PLEKHG4B: variants seen among roughly 807,000 people sequenced by gnomAD.
The protein encoded by PLEKHG4B is pleckstrin homology domain-containing family G member 4B.
A neutral mutation model predicts 121.3 loss-of-function variants in PLEKHG4B; 111 were observed. The ratio of observed to expected loss-of-function variants is 0.92; its 90% confidence interval spans 0.78 to 1.07. PLEKHG4B has a LOEUF of 1.07. Among genes scored for constraint, PLEKHG4B ranks in the 50% least tolerant of loss-of-function variants. The probability of loss-of-function intolerance (pLI) is 0.00; values close to 1 mark genes in which losing one functional copy is unlikely to be tolerated. For missense variants in PLEKHG4B, 1,831 were observed against 1,757.8 expected, an observed-to-expected ratio of 1.04 and a Z score of -0.74; for synonymous variants, 738 against 725.0, an observed-to-expected ratio of 1.02 and a Z score of -0.29.
Position 181,693 on chromosome 5 carries a change from C to A in PLEKHG4B, c.4564+18C>A, listed in dbSNP as rs375651817. The stretch of plus-strand genomic sequence containing the variant: ...GGGCACAGGTACGGTGGCTCGGTCC[C>A]GCCCTCACTCACCCTGCAGAGGGCA... On this transcript the variant is annotated intron_variant, in intron 19 of 19. Coordinates refer to ENST00000637938, the MANE Select transcript of PLEKHG4B (RefSeq NM_052909.5). The A allele has an allele frequency of 1.9e-6, 3 of 1,606,086 alleles. No individual in the cohort carries two copies. Among genetic ancestry groups the A allele is most frequent in the South Asian group, 2.2e-5 (2 of 90,058 alleles).
chr5:122,292 CAAT>C (rs1394340254), intron 2 of PLEKHG4B, among the ~76,000 whole-genome samples: 2 of 151,962 alleles, frequency 1.3e-5, no homozygotes, highest in Admixed American at 1.3e-4. Context: ...TCAACCATAT[CAAT>C]AATTATTTTA....
intron 6 of PLEKHG4B, among the ~76,000 whole-genome samples, chr5:147,827 G>A (rs947354160): frequency 6.6e-6 from 1 of 152,144 alleles, no homozygotes; most frequent in Non-Finnish European, 1.5e-5. Flanking sequence ...GAAGGTTGAT[G>A]CCAAAATCAT....
At chr5:98,107 CAT>C (rs1366170396) in intron 1 of PLEKHG4B, among the ~76,000 whole-genome samples, 1 of 152,054 alleles carries the variant, frequency 6.6e-6, no homozygotes. Flanking sequence ...CTTTCAGTGA[CAT>C]ATTTAAGAAT....
At position 188,428 on chromosome 5, in the gene PLEKHG4B, A is replaced by G. The variant is rs1397799011; in HGVS notation, c.*6105A>G. 3.3e-5 allele frequency: 5 copies of G among 152,282 alleles called. No homozygotes were observed. The highest frequency in any genetic ancestry group is 1.2e-4 in the African/African-American group (5 of 41,466). 9.4% of individuals were successfully genotyped at this position (152,282 alleles called of 1,614,324 possible). A position where few individuals can be genotyped will look rare whatever the true frequency, so the allele number is the denominator to read the frequency against. ...CTGCTCCCACCATCCCTGGGGGATT[A>G]GCACCTTGGCTGAGCCCGAACTGAC... is the stretch of plus-strand genomic sequence containing the variant. On this transcript the variant is annotated 3_prime_UTR_variant, in exon 20 of 20. Coordinates refer to ENST00000637938, the MANE Select transcript of PLEKHG4B (RefSeq NM_052909.5).
At chr5:141,434 G>A (rs556743064) in intron 3 of PLEKHG4B, among the ~76,000 whole-genome samples, 7 of 150,164 alleles carry the variant, frequency 4.7e-5, no homozygotes, top group South Asian at 2.1e-4. Context: ...CAGGTGTCCC[G>A]GGCTGTGGCT....
intron 2 of PLEKHG4B, among the ~76,000 whole-genome samples, chr5:132,552 C>A (rs1734809810): frequency 6.6e-6 from 1 of 152,114 alleles, no homozygotes; most frequent in African/African-American, 2.4e-5. Context: ...TGTAATCCAT[C>A]TTGAGTTGAT....
chr5:179,197 T>G (rs1242619615), intron 18 of PLEKHG4B, among the ~76,000 whole-genome samples: 1 of 152,234 alleles, frequency 6.6e-6, no homozygotes, highest in Non-Finnish European at 1.5e-5. Context: ...GTAAAAGGCA[T>G]ATGTTTGATT....
At chr5:117,188 G>A (rs558886821) in intron 2 of PLEKHG4B, among the ~76,000 whole-genome samples, 1 of 152,218 alleles carries the variant, frequency 6.6e-6, no homozygotes, top group African/African-American at 2.4e-5. Flanking sequence ...CAGTCTACTT[G>A]ATTTTATATT....
At chr5:136,771 C>T (rs975455357) in intron 2 of PLEKHG4B, among the ~76,000 whole-genome samples, 9 of 152,154 alleles carry the variant, frequency 5.9e-5, no homozygotes, top group Non-Finnish European at 1.0e-4. Context: ...TTGGTGATGA[C>T]GTAAAATGGT....
intron 13 of PLEKHG4B, among the ~76,000 whole-genome samples, chr5:167,635 T>G (rs909968200): frequency 3.9e-5 from 6 of 152,184 alleles, no homozygotes; most frequent in African/African-American, 1.2e-4. Flanking sequence ...GGTGCAGAGC[T>G]GTGGGACACG....
chr5:144,231 C>G (rs531940585), intron 5 of PLEKHG4B: 14 of 152,556 alleles, frequency 9.2e-5, no homozygotes, highest in Non-Finnish European at 1.8e-4. Context: ...AATATATCAA[C>G]TCACCCCACC....
chr5:125,119 T>C (rs11510485), intron 2 of PLEKHG4B, among the ~76,000 whole-genome samples: 28,283 of 151,924 alleles, frequency 0.19, 3,620 homozygotes, highest in African/African-American at 0.36. Flanking sequence ...AGTGACAGAG[T>C]GAGACTTAAA....
At chr5:140,855 C>G in intron 3 of PLEKHG4B, 139 bp downstream of exon 3, 4 of 553,784 alleles carry the variant, frequency 7.2e-6, no homozygotes, top group Non-Finnish European at 8.8e-6. Flanking sequence ...CTCCCCTGCA[C>G]ACCCCCACCC....
At chr5:179,014 G>T (rs115373267) in intron 18 of PLEKHG4B, among the ~76,000 whole-genome samples, 2,980 of 152,200 alleles carry the variant, frequency 0.02, 92 homozygotes, top group African/African-American at 0.064. Context: ...AAATATTTTT[G>T]ATCCTTGGTG....
intron 1 of PLEKHG4B, among the ~76,000 whole-genome samples, chr5:103,110 G>A (rs1296359990): frequency 1.3e-5 from 2 of 152,204 alleles, no homozygotes; most frequent in African/African-American, 4.8e-5. Context: ...TGGCTGCAGT[G>A]TTGTCTGTCT....
intron 2 of PLEKHG4B, among the ~76,000 whole-genome samples, chr5:135,776 T>C (rs1429703326): frequency 7.2e-6 from 1 of 138,744 alleles, no homozygotes; most frequent in Non-Finnish European, 1.5e-5. Context: ...TGCAATCCTA[T>C]TAAAGTCTCA....
chr5:116,168 T>C (rs989506030), intron 2 of PLEKHG4B, among the ~76,000 whole-genome samples: 6 of 152,186 alleles, frequency 3.9e-5, no homozygotes, highest in Non-Finnish European at 7.3e-5. Flanking sequence ...AATTTCAATA[T>C]TATTGTGTCT....
Position 143,421 on chromosome 5 carries a change from A to G in PLEKHG4B, c.1729A>G (p.Thr577Ala), listed in dbSNP as rs773974453. The G allele has an allele frequency of 3.7e-6, 6 of 1,612,844 alleles. No individual in the cohort carries two copies. In the South Asian group the frequency reaches 5.5e-5, roughly 15 times the overall value. ...TGGCAGAGCAGTGGTGCAGGTCCGC[A>G]CCAGGAGCCTGCTCTGGACCAGGGA... The part of the protein sequence containing the change: ...RHGRAVVQVR[T>A]RSLLWTREHS... The change falls in exon 5 of 20, where the codon ACC becomes GCC. Residue 577 changes from threonine to alanine, a missense_variant. By Grantham distance (58) the Thr-to-Ala change is moderately conservative. Transcript: ENST00000637938.
chr5:148,250 G>C (rs1183274472), intron 6 of PLEKHG4B, among the ~76,000 whole-genome samples: 1 of 151,302 alleles, frequency 6.6e-6, no homozygotes, highest in Non-Finnish European at 1.5e-5. Flanking sequence ...TGGGGGGTGG[G>C]GGAGAAGAGG....
Sources: gnomAD v4.1 joint callset for allele counts (sites outside exome capture counted in the v4.1 genomes callset) on GRCh38, gnomAD v4.1.1 for gene constraint, MANE v1.5 for transcripts, NCBI Gene and HGNC (gene_info 2026-07-23, HGNC 2026-07-21) for gene names.